The following TLL1 variants were observed in gnomAD, a reference collection of about 807,000 sequenced individuals.
The protein encoded by TLL1 is tolloid like 1, also known as tolloid-like protein 1.
Under a neutral mutation model 128.2 loss-of-function variants are expected in TLL1, and 49 were observed. The ratio of observed to expected loss-of-function variants is 0.38; its 90% CI spans 0.30 to 0.48. TLL1 has a LOEUF of 0.48. Among genes scored for constraint, TLL1 ranks in the 20% least tolerant of loss-of-function variants. The pLI is 0.96. For missense variants in TLL1, 1,123 were observed against 1,242.0 expected, an observed-to-expected ratio of 0.90 and a Z score of 1.44; for synonymous variants, 454 against 418.8, an observed-to-expected ratio of 1.08 and a Z score of -1.03.
intron 1 of TLL1, among the ~76,000 whole-genome samples, chr4:165,944,874 A>G (rs548933593): frequency 6.6e-6 from 1 of 152,298 alleles, no homozygotes; most frequent in East Asian, 1.9e-4. Flanking sequence ...GATGTCTGAG[A>G]CATCCAAGTA....
intron 18 of TLL1, among the ~76,000 whole-genome samples, chr4:166,084,901 C>T (rs1741433404): frequency 6.6e-6 from 1 of 150,940 alleles, no homozygotes; most frequent in African/African-American, 2.5e-5. Flanking sequence ...TGGTTCCATA[C>T]ACATTTTAGT....
intron 7 of TLL1, among the ~76,000 whole-genome samples, chr4:166,012,691 T>C (rs1737751163): frequency 6.6e-6 from 1 of 151,668 alleles, no homozygotes; most frequent in Non-Finnish European, 1.5e-5. Context: ...CTTTTTCAAT[T>C]ACACTGGCCT....
chr4:166,084,437 T>G (rs1303504883), intron 18 of TLL1, among the ~76,000 whole-genome samples: 1 of 152,148 alleles, frequency 6.6e-6, no homozygotes, highest in Non-Finnish European at 1.5e-5. Flanking sequence ...GTTTTTGGAG[T>G]GAAATCCAAA....
chr4:166,057,737 C>T (rs35574946), intron 14 of TLL1, among the ~76,000 whole-genome samples: 16,885 of 152,102 alleles, frequency 0.11, 1,179 homozygotes, highest in South Asian at 0.19. Flanking sequence ...TATATGGCAG[C>T]GAGCCAGAAA....
intron 1 of TLL1, 63 bp downstream of exon 1, chr4:165,874,136 G>A: frequency 6.3e-7 from 1 of 1,595,690 alleles, no homozygotes; most frequent in Non-Finnish European, 8.6e-7. Flanking sequence ...GTTTCCCATG[G>A]GTGGCGGTGG....
rs765812428 is a variant in TLL1 at position 166,043,316 on chromosome 4, A to T, written c.1421A>T (p.Gln474Leu). The change falls in exon 12 of 21, where the codon CAG (glutamine) becomes CTG (leucine). Residue 474 changes from glutamine (Q) to leucine (L), a missense_variant. Around this residue, in one of 3 missense-constraint regions of TLL1, gnomAD observed 634 missense variants for 672.4 expected, o/e 0.94. Coordinates refer to ENST00000061240, the MANE Select transcript of TLL1 (RefSeq NM_012464.5). Reference sequence around the variant, plus strand: ...ATACGTAAAAATGAAGGACAGATTCAGTCTCCCAATTATCCTGATGACTAT... The same window carrying T: ...ATACGTAAAAATGAAGGACAGATTCTGTCTCCCAATTATCCTGATGACTAT... ...GEIRKNEGQI[Q>L]SPNYPDDYRP... The T allele has an allele frequency of 6.2e-7, 1 of 1,614,156 alleles. No individual in the cohort carries two copies. Among genetic ancestry groups the T allele is most frequent in the Non-Finnish European group, 8.5e-7 (1 of 1,180,004 alleles).
chr4:166,088,927 A>G (rs762101371), intron 18 of TLL1, among the ~76,000 whole-genome samples: 16 of 152,162 alleles, frequency 1.1e-4, no homozygotes, highest in African/African-American at 3.4e-4. Flanking sequence ...TCAGTCTTCA[A>G]TGGACCAATC....
At chr4:165,897,585 A>G (rs1032144355) in intron 1 of TLL1, among the ~76,000 whole-genome samples, 1 of 145,320 alleles carries the variant, frequency 6.9e-6, no homozygotes, top group Non-Finnish European at 1.5e-5. Context: ...ATTGGTCTAT[A>G]TATCTGTTTT....
chr4:165,972,289 GTTTCCA>G (rs1202960077), intron 1 of TLL1, among the ~76,000 whole-genome samples: 2 of 152,152 alleles, frequency 1.3e-5, no homozygotes, highest in Admixed American at 1.3e-4. Context: ...CAATGACCCT[GTTTCCA>G]ACAGTCCTTA....
rs1045339619 is a variant in TLL1 at position 166,104,376 on chromosome 4, C to T, written c.*3500C>T. ...TGTTTACTAATAAGAATAAGACTTG[C>T]CTTATGGAAAATTTTTGATACCACT... is the stretch of plus-strand genomic sequence containing the variant. On this transcript the variant is annotated 3_prime_UTR_variant, in exon 21 of 21. Coordinates refer to ENST00000061240, the MANE Select transcript of TLL1 (RefSeq NM_012464.5). Among the ~76,000 whole-genome samples, 2 of 151,780 alleles carry T rather than the reference C, an allele frequency of 1.3e-5. No individual in the cohort carries two copies. The highest frequency in any genetic ancestry group is 2.4e-5 in the African/African-American group (1 of 41,362).
At chr4:165,906,312 G>A (rs11100626) in intron 1 of TLL1, among the ~76,000 whole-genome samples, 51,285 of 152,074 alleles carry the variant, frequency 0.34, 9,117 homozygotes, top group East Asian at 0.56. Context: ...CTTGTCATAT[G>A]TTAAGTAAAA....
intron 1 of TLL1, among the ~76,000 whole-genome samples, chr4:165,917,567 A>T (rs1260701356): frequency 1.3e-5 from 2 of 152,232 alleles, no homozygotes; most frequent in South Asian, 2.1e-4. Context: ...TACTTATAAC[A>T]TCTATTTATA....
chr4:165,920,556 G>A (rs558118618), intron 1 of TLL1, among the ~76,000 whole-genome samples: 31 of 152,182 alleles, frequency 2.0e-4, no homozygotes, highest in Non-Finnish European at 1.8e-4. Flanking sequence ...AAATTGTAGG[G>A]GAATAGAATT....
chr4:165,892,664 G>T (rs1327317258), intron 1 of TLL1, among the ~76,000 whole-genome samples: 3 of 152,012 alleles, frequency 2.0e-5, no homozygotes, highest in East Asian at 1.9e-4. Context: ...GAAAGATCAG[G>T]CCCATTTCAT....
intron 1 of TLL1, among the ~76,000 whole-genome samples, chr4:165,910,748 C>G (rs1269532127): frequency 1.3e-5 from 2 of 152,180 alleles, no homozygotes; most frequent in East Asian, 3.9e-4. Context: ...TAACTACGCC[C>G]ATCACTTGAA....
chr4:166,020,859 T>A (rs1191793504), intron 8 of TLL1, among the ~76,000 whole-genome samples: 1 of 152,242 alleles, frequency 6.6e-6, no homozygotes, highest in African/African-American at 2.4e-5. Context: ...GAATCTCTAT[T>A]GTTATGTAAA....
intron 6 of TLL1, among the ~76,000 whole-genome samples, chr4:166,005,432 T>C (rs1237753401): frequency 6.6e-6 from 1 of 152,008 alleles, no homozygotes; most frequent in Non-Finnish European, 1.5e-5. Flanking sequence ...TGGTAGAGTA[T>C]GTCCTAAAAG....
At chr4:165,892,125 C>G (rs1024877871) in intron 1 of TLL1, among the ~76,000 whole-genome samples, 1 of 152,242 alleles carries the variant, frequency 6.6e-6, no homozygotes, top group Non-Finnish European at 1.5e-5. Flanking sequence ...CCTTGTAAAA[C>G]TATCACAGCT....
chr4:166,067,374 A>G (rs1458031246), intron 16 of TLL1, among the ~76,000 whole-genome samples: 1 of 151,836 alleles, frequency 6.6e-6, no homozygotes, highest in Non-Finnish European at 1.5e-5. Context: ...CCAAATTATA[A>G]AAACAGATTA....
Sources: gnomAD v4.1 joint callset for allele counts (sites outside exome capture counted in the v4.1 genomes callset) on GRCh38, gnomAD v4.1.1 for gene constraint, gnomAD v4.1.1 regional missense constraint, MANE v1.5 for transcripts, NCBI Gene and HGNC (gene_info 2026-07-23, HGNC 2026-07-21) for gene names.